ARRDC2: variants seen among roughly 807,000 people sequenced by gnomAD.
ARRDC2 encodes arrestin domain-containing protein 2.
ARRDC2 carries 39 observed loss-of-function variants against 38.9 expected under a neutral mutation model. That is an observed-to-expected ratio of 1.00 (90% confidence interval 0.78 to 1.31). The LOEUF (loss-of-function observed/expected upper bound fraction) is 1.31, where lower values mean the gene tolerates loss of function less well. ARRDC2 is among the 50% of genes most tolerant of loss of function. ARRDC2 has a pLI of 0.00. For synonymous variants in ARRDC2, 300 were observed against 261.9 expected (o/e 1.15, Z -1.41); for missense variants, 553 against 588.4 (o/e 0.94, Z 0.62).
intron 2 of ARRDC2, 75 bp downstream of exon 2, chr19:18,008,852 T>G: frequency 6.3e-7 from 1 of 1,595,602 alleles, no homozygotes; most frequent in South Asian, 1.1e-5. Flanking sequence ...ACTGGATATC[T>G]GGGCACCTCT....
chr19:18,009,272 C>T, intron 3 of ARRDC2, 154 bp downstream of exon 3: 1 of 904,912 alleles, frequency 1.1e-6, no homozygotes, highest in Non-Finnish European at 1.7e-6. Flanking sequence ...CCACTGGGAT[C>T]TGCACCCATT....
upstream of ARRDC2, among the ~76,000 whole-genome samples, chr19:18,003,653 TTTGG>T (rs1395556016): frequency 7.0e-6 from 1 of 142,424 alleles, no homozygotes; most frequent in Admixed American, 6.9e-5. Context: ...TGTTTGTTTG[TTTGG>T]GGGACGGAGT....
In ARRDC2 at chr19:18,002,185, C is replaced by T. The variant is rs1015057328; in HGVS notation, c.259+612C>T. 1.4e-4 allele frequency among the ~76,000 whole-genome samples: 21 copies of T among 152,218 alleles called. 1 individual carries two copies. Among genetic ancestry groups the T allele is most frequent in the Non-Finnish European group, 5.9e-5 (4 of 68,036 alleles). On this transcript the variant is annotated intron_variant, in intron 1 of 7. Coordinates refer to the ARRDC2 transcript ENST00000379656. The stretch of plus-strand genomic sequence containing the variant: ...CCCCAACTCGTGTTACCCAGGGCCC[C>T]ACCTCAGTTTACCCCACAGGGTCTG...
chr19:18,008,208 A>G lies in ARRDC2; in HGVS notation c.-103A>G, dbSNP rs2033322583. 1 of 1,307,112 alleles carries G rather than the reference A, an allele frequency of 7.7e-7. No individual in the cohort carries two copies. The highest frequency in any genetic ancestry group is 5.8e-5 in the East Asian group (1 of 17,390). The allele number at this position is 1,307,112 out of a possible 1,614,324, so 81.0% of individuals were successfully genotyped here. On this transcript the variant is annotated 5_prime_UTR_variant, in exon 1 of 8. Coordinates refer to ENST00000222250, the MANE Select transcript of ARRDC2 (RefSeq NM_015683.2). ...GGTTGGTGAGCGCGCCTGCGCGTTG[A>G]CGGCGATTTTGCGTTCTGAGGCTGC... is the stretch of plus-strand genomic sequence containing the variant.
chr19:18,001,453 A>C, exon 1 of ARRDC2: 1 of 1,266,798 alleles, frequency 7.9e-7, no homozygotes. Flanking sequence ...GCTCGAGGTG[A>C]AGGCGCGCGG....
At chr19:18,005,440 T>C (rs971072007), upstream of ARRDC2, among the ~76,000 whole-genome samples, 4 of 152,126 alleles carry the variant, frequency 2.6e-5, no homozygotes, top group African/African-American at 9.7e-5. Context: ...TTTCCCCACC[T>C]TTCCCCCCTT....
At chr19:18,010,066 A>T in intron 5 of ARRDC2, 27 bp downstream of exon 5, 1 of 1,604,024 alleles carries the variant, frequency 6.2e-7, no homozygotes, top group African/African-American at 1.3e-5. Context: ...GCCCTGGGGG[A>T]CAGTGCCTAC....
chr19:18,010,088 A>G lies in ARRDC2; in HGVS notation c.849+49A>G, dbSNP rs369742475. The stretch of plus-strand genomic sequence containing the variant: ...GGGACAGTGCCTACATTCACCCTGT[A>G]TTCCCTCAGACTGGGGGAAGCTGAG... On this transcript the variant is annotated intron_variant, in intron 5 of 7. Transcript: ENST00000222250. The G allele has an allele frequency of 1.2e-5, 19 of 1,605,306 alleles. No homozygotes were observed. In the African/African-American group the frequency reaches 2.1e-4, roughly 18 times the overall value.
At chr19:18,001,593 G>T in intron 1 of ARRDC2, 1 of 1,304,374 alleles carries the variant, frequency 7.7e-7, no homozygotes, top group Non-Finnish European at 9.8e-7. Flanking sequence ...TCGTCGCGCC[G>T]CCCCCGCAGC....
At chr19:18,011,952 ATTTT>A (rs71164342) in intron 7 of ARRDC2, among the ~76,000 whole-genome samples, 40 of 100,746 alleles carry the variant, frequency 4.0e-4, no homozygotes, top group African/African-American at 1.4e-3. Flanking sequence ...ATATATATAT[ATTTT>A]TTTTTTTTTT....
At chr19:18,007,896 G>T (rs998006935), upstream of ARRDC2, 2 of 288,170 alleles carry the variant, frequency 6.9e-6, no homozygotes, top group African/African-American at 4.7e-5. Context: ...TCAGGCCTGG[G>T]CCCTGCCTCT....
rs772523798 is a variant in ARRDC2 at position 18,010,716 on chromosome 19, C to T, written c.1157C>T (p.Pro386Leu). The change falls in exon 7 of 8, where the codon CCC (proline) becomes CTC (leucine). Residue 386 changes from proline to leucine, a missense_variant. Pro to Leu is a moderately conservative substitution (Grantham distance 98). Coordinates refer to ENST00000222250, the MANE Select transcript of ARRDC2 (RefSeq NM_015683.2). ...YIQEFRYRPPPLYSEEDPNPL... is the reference protein window; with the variant it reads ...YIQEFRYRPPLLYSEEDPNPL... ...CAAGAGTTCCGCTACCGCCCGCCAC[C>T]CCTGTACTCTGAGGTGAGCTCAGGG... 131 of 1,613,712 alleles carry T rather than the reference C, an allele frequency of 8.1e-5. No individual in the cohort carries two copies. The highest frequency in any genetic ancestry group is 9.6e-5 in the Non-Finnish European group (113 of 1,180,030).
At chr19:18,005,428 C>A (rs989027858), upstream of ARRDC2, among the ~76,000 whole-genome samples, 2 of 152,154 alleles carry the variant, frequency 1.3e-5, no homozygotes, top group Non-Finnish European at 2.9e-5. Context: ...ATTTCTCAAT[C>A]TTTTCCCCAC....
Position 18,009,950 on chromosome 19 carries a change from G to A in ARRDC2, c.760G>A (p.Ala254Thr). ...CGAGCCGGTGGGCCCCGGGCAGCGG[G>A]CGCTGTGGCAGGGCCGGGCACTGCG... Reference protein sequence around the residue: ...AGEPVGPGQRALWQGRALRIP... With the variant: ...AGEPVGPGQRTLWQGRALRIP... The change falls in exon 5 of 8, where the codon GCG (alanine) becomes ACG (threonine). Residue 254 changes from alanine (A) to threonine (T), a missense_variant. Physicochemically the swap from Ala to Thr is moderately conservative, Grantham distance 58. Transcript: ENST00000222250. 1.2e-6 allele frequency: 2 copies of A among 1,605,036 alleles called. No homozygotes were observed. Among genetic ancestry groups the A allele is most frequent in the Non-Finnish European group, 1.7e-6 (2 of 1,179,220 alleles).
chr19:18,010,395 G>A (rs1192397286), intron 6 of ARRDC2, 37 bp downstream of exon 6: 2 of 1,593,372 alleles, frequency 1.3e-6, no homozygotes, highest in South Asian at 2.2e-5. Flanking sequence ...GAGGGTGGGT[G>A]GATACACGGA....
Position 18,008,282 on chromosome 19 carries a change from G to T in ARRDC2, c.-29G>T. The T allele has an allele frequency of 3.2e-6, 5 of 1,584,160 alleles. No individual in the cohort carries two copies. The highest frequency in any genetic ancestry group is 4.3e-6 in the Non-Finnish European group (5 of 1,174,366). On this transcript the variant is annotated 5_prime_UTR_variant, in exon 1 of 8. Transcript: ENST00000222250. ...GTTCGCGAGTTCGAGGCCAGGTTCC[G>T]CCTGTCGTGGGTTCGCACCCCGGAC...
At chr19:18,003,054 G>T (rs1415018795) in intron 1 of ARRDC2, among the ~76,000 whole-genome samples, 1 of 151,054 alleles carries the variant, frequency 6.6e-6, no homozygotes, top group Non-Finnish European at 1.5e-5. Context: ...GAGCTGAGAT[G>T]GCACCACTAC....
At chr19:18,007,986 G>A (rs1303781112), upstream of ARRDC2, 2 of 519,514 alleles carry the variant, frequency 3.8e-6, no homozygotes, top group Non-Finnish European at 6.3e-6. Context: ...TTTCTCCCCG[G>A]GGTCCGCGAG....
At chr19:18,006,053 A>C (rs2145998557), upstream of ARRDC2, among the ~76,000 whole-genome samples, 1 of 149,764 alleles carries the variant, frequency 6.7e-6, no homozygotes. Context: ...GACGCTCCTC[A>C]CTTCGTAGAT....
Sources: allele counts gnomAD v4.1 joint callset (sites outside exome capture counted in the v4.1 genomes callset), GRCh38; gene constraint gnomAD v4.1.1; transcripts MANE v1.5; gene names NCBI Gene and HGNC (gene_info 2026-07-23, HGNC 2026-07-21).